PTPRD: variants seen among roughly 807,000 people sequenced by gnomAD.
The protein encoded by PTPRD is protein tyrosine phosphatase receptor type D.
Under a neutral mutation model 214.5 loss-of-function variants are expected in PTPRD, and 34 were observed. That is an observed-to-expected ratio of 0.16 (90% confidence interval 0.12 to 0.21). The LOEUF (loss-of-function observed/expected upper bound fraction) is 0.21. Among genes scored for constraint, PTPRD ranks in the 10% least tolerant of loss-of-function variants. The pLI, the probability that PTPRD is intolerant of heterozygous loss-of-function variation, is 1.00. For synonymous variants in PTPRD, 1,128 were observed against 845.7 expected (o/e 1.33, Z -5.79); for missense variants, 2,545 against 2,398.7 (o/e 1.06, Z -1.27).
intron 7 of PTPRD, among the ~76,000 whole-genome samples, chr9:9,584,888 C>T (rs2091650337): frequency 6.6e-6 from 1 of 151,948 alleles, no homozygotes; most frequent in African/African-American, 2.4e-5. Flanking sequence ...CTTTACACGT[C>T]TTATGATTTG....
At chr9:9,793,604 A>G (rs1011314128) in intron 5 of PTPRD, among the ~76,000 whole-genome samples, 1 of 152,120 alleles carries the variant, frequency 6.6e-6, no homozygotes, top group African/African-American at 2.4e-5. Context: ...TTATTCAGAA[A>G]TTTACTCCTA....
intron 2 of PTPRD, among the ~76,000 whole-genome samples, chr9:10,489,480 G>A (rs931367698): frequency 6.6e-6 from 1 of 152,064 alleles, no homozygotes; most frequent in African/African-American, 2.4e-5. Flanking sequence ...GTCTCAGTAT[G>A]GCACATGTAC....
chr9:9,655,590 C>T (rs888162028), intron 7 of PTPRD, among the ~76,000 whole-genome samples: 2 of 150,714 alleles, frequency 1.3e-5, no homozygotes, highest in Non-Finnish European at 3.0e-5. Flanking sequence ...CAAACCAAAC[C>T]AAACCAAACC....
intron 7 of PTPRD, among the ~76,000 whole-genome samples, chr9:9,594,462 T>C (rs139130279): frequency 0.011 from 1,715 of 152,132 alleles, 20 homozygotes; most frequent in Non-Finnish European, 0.017. Context: ...AGGTGAGAGA[T>C]GAGGATCCAG....
At chr9:9,781,202 A>C (rs1424678519) in intron 5 of PTPRD, among the ~76,000 whole-genome samples, 1 of 152,198 alleles carries the variant, frequency 6.6e-6, no homozygotes, top group African/African-American at 2.4e-5. Flanking sequence ...ATAATGCAGC[A>C]ACAGTGGTTC....
At chr9:10,289,345 T>C (rs1218484397) in intron 3 of PTPRD, among the ~76,000 whole-genome samples, 1 of 152,194 alleles carries the variant, frequency 6.6e-6, no homozygotes, top group East Asian at 1.9e-4. Flanking sequence ...AGTGAACATC[T>C]ACTGAGTGTA....
At chr9:10,483,676 A>T (rs908672770) in intron 2 of PTPRD, among the ~76,000 whole-genome samples, 1 of 152,050 alleles carries the variant, frequency 6.6e-6, no homozygotes, top group Admixed American at 6.6e-5. Flanking sequence ...AAAAAAAAGC[A>T]CTCAATGTCA....
At chr9:9,774,473 T>C (rs1391945059) in intron 5 of PTPRD, among the ~76,000 whole-genome samples, 1 of 152,214 alleles carries the variant, frequency 6.6e-6, no homozygotes, top group Non-Finnish European at 1.5e-5. Context: ...TTTATTAACC[T>C]ATGTTCTTTA....
intron 14 of PTPRD, among the ~76,000 whole-genome samples, chr9:8,599,090 T>C (rs1258916427): frequency 6.6e-6 from 1 of 152,130 alleles, no homozygotes; most frequent in Non-Finnish European, 1.5e-5. Context: ...GCTGTTCTCA[T>C]GAGACTTAAT....
At chr9:9,484,506 A>G (rs2095546069) in intron 8 of PTPRD, among the ~76,000 whole-genome samples, 1 of 152,158 alleles carries the variant, frequency 6.6e-6, no homozygotes, top group African/African-American at 2.4e-5. Flanking sequence ...AAACAGTCAA[A>G]TTGCATTCAA....
intron 11 of PTPRD, among the ~76,000 whole-genome samples, chr9:8,937,907 AT>A (rs1479450588): frequency 6.6e-6 from 1 of 152,188 alleles, no homozygotes; most frequent in Non-Finnish European, 1.5e-5. Flanking sequence ...AATTAGGTCA[AT>A]ATGCAATCTG....
At chr9:10,516,120 G>T (rs1260508968) in intron 2 of PTPRD, among the ~76,000 whole-genome samples, 1 of 151,760 alleles carries the variant, frequency 6.6e-6, no homozygotes, top group East Asian at 1.9e-4. Flanking sequence ...TCATATGGTA[G>T]CTCTATTTTT....
intron 4 of PTPRD, among the ~76,000 whole-genome samples, chr9:9,988,868 A>G (rs933696589): frequency 5.9e-5 from 9 of 151,858 alleles, no homozygotes; most frequent in African/African-American, 2.2e-4. Flanking sequence ...TTCCATCAGG[A>G]AAAATAAACA....
intron 10 of PTPRD, among the ~76,000 whole-genome samples, chr9:9,058,434 T>G (rs896195567): frequency 1.5e-5 from 2 of 137,024 alleles, no homozygotes; most frequent in Admixed American, 1.6e-4. Flanking sequence ...GAGAGAAATA[T>G]TATGAGGGTT....
rs1039056720 is a variant in PTPRD, at chr9:9,479,165, T to C, written c.-236-81683A>G. On this transcript the variant is annotated intron_variant, in intron 8 of 45. Transcript: ENST00000381196. ...GGTCATTTTTATTGTCCAAAAATAG[T>C]TCTTATATGAGGAGATAAATAAGTC... is the stretch of plus-strand genomic sequence containing the variant. 2.0e-5 allele frequency among the ~76,000 whole-genome samples: 3 copies of C among 151,160 alleles called. No individual in the cohort carries two copies. The Admixed American group carries it at 2.0e-4, about 10-fold the overall frequency.
At chr9:9,264,594 G>A (rs903547748) in intron 9 of PTPRD, among the ~76,000 whole-genome samples, 13 of 151,316 alleles carry the variant, frequency 8.6e-5, no homozygotes, top group Middle Eastern at 3.2e-3. Context: ...AGAAGAGAGA[G>A]AGAAAAAAGG....
chr9:9,370,376 G>A (rs2059128364), intron 9 of PTPRD, among the ~76,000 whole-genome samples: 1 of 151,900 alleles, frequency 6.6e-6, no homozygotes, highest in African/African-American at 2.4e-5. Flanking sequence ...TGAAGCAACT[G>A]TGAATGGGAG....
intron 5 of PTPRD, among the ~76,000 whole-genome samples, chr9:9,862,123 T>G (rs1347123706): frequency 6.6e-6 from 1 of 152,132 alleles, no homozygotes; most frequent in African/African-American, 2.4e-5. Context: ...ATGGTTTGCT[T>G]CAAAAGCTTT....
chr9:9,682,235 A>G (rs1345428491), intron 7 of PTPRD, among the ~76,000 whole-genome samples: 1 of 151,786 alleles, frequency 6.6e-6, no homozygotes. Context: ...AGACAGGGAC[A>G]GGAATAGGTG....
Sources: allele counts gnomAD v4.1 joint callset (sites outside exome capture counted in the v4.1 genomes callset), GRCh38; gene constraint gnomAD v4.1.1; transcripts MANE v1.5; gene names NCBI Gene and HGNC (gene_info 2026-07-23, HGNC 2026-07-21).